The following ODAD2 variants were observed in gnomAD, a reference collection of about 807,000 sequenced individuals.
ODAD2 encodes outer dynein arm-docking complex subunit 2.
Under a neutral mutation model 106.8 loss-of-function variants are expected in ODAD2, and 89 were observed. That is an observed-to-expected ratio of 0.83 (90% CI 0.70 to 0.99). The LOEUF is 0.99. Among genes scored for constraint, ODAD2 ranks in the 50% least tolerant of loss-of-function variants. The probability of loss-of-function intolerance (pLI) is 0.00; values close to 1 mark genes in which losing one functional copy is unlikely to be tolerated. For missense variants in ODAD2, 1,168 were observed against 1,238.5 expected (o/e 0.94, Z 0.85); for synonymous variants, 404 against 436.2 (o/e 0.93, Z 0.92).
intron 16 of ODAD2, among the ~76,000 whole-genome samples, chr10:27,923,697 C>A (rs1844952758): frequency 6.6e-6 from 1 of 151,980 alleles, no homozygotes; most frequent in East Asian, 1.9e-4. Context: ...CCTGTAATCT[C>A]AGTGCTTTGA....
intron 17 of ODAD2, among the ~76,000 whole-genome samples, chr10:27,902,851 C>A (rs1314976350): frequency 6.6e-6 from 1 of 152,134 alleles, no homozygotes; most frequent in Non-Finnish European, 1.5e-5. Flanking sequence ...GGACTCACAG[C>A]AGAATTCTAC....
At chr10:27,825,692 G>C (rs1362147438) in intron 19 of ODAD2, among the ~76,000 whole-genome samples, 2 of 152,190 alleles carry the variant, frequency 1.3e-5, no homozygotes, top group Admixed American at 6.5e-5. Flanking sequence ...AGGGACAACA[G>C]GTACAGGAAC....
chr10:27,944,454 AG>A, intron 11 of ODAD2, 23 bp from the exon 12 acceptor site: 1 of 1,585,378 alleles, frequency 6.3e-7, no homozygotes, highest in South Asian at 1.1e-5. Flanking sequence ...AAAAAAGATG[AG>A]TGGCGAATAT....
chr10:27,871,896 G>A (rs1422604624), intron 17 of ODAD2, among the ~76,000 whole-genome samples: 1 of 152,132 alleles, frequency 6.6e-6, no homozygotes, highest in Non-Finnish European at 1.5e-5. Flanking sequence ...TGTGAAGAAA[G>A]TCATTGGTAG....
chr10:27,983,278 C>T (rs1445383947), intron 6 of ODAD2, among the ~76,000 whole-genome samples: 4 of 152,148 alleles, frequency 2.6e-5, no homozygotes, highest in Non-Finnish European at 5.9e-5. Flanking sequence ...ATCCTCTTCC[C>T]GAGGTATGAG....
intron 19 of ODAD2, among the ~76,000 whole-genome samples, chr10:27,840,275 T>A (rs1483388881): frequency 6.6e-6 from 1 of 152,190 alleles, no homozygotes; most frequent in Non-Finnish European, 1.5e-5. Flanking sequence ...AAAGCATATA[T>A]TTGACTCTAA....
At chr10:27,959,630 C>T (rs1847981747) in intron 10 of ODAD2, among the ~76,000 whole-genome samples, 1 of 152,082 alleles carries the variant, frequency 6.6e-6, no homozygotes, top group African/African-American at 2.4e-5. Context: ...GCTAGTGTTT[C>T]CAAATTCCCG....
At chr10:27,882,229 G>GA (rs1323672625) in intron 17 of ODAD2, among the ~76,000 whole-genome samples, 2 of 149,258 alleles carry the variant, frequency 1.3e-5, no homozygotes, top group African/African-American at 4.9e-5. Context: ...AAGAAAGAAA[G>GA]AAAGAAATAT....
intron 19 of ODAD2, among the ~76,000 whole-genome samples, chr10:27,846,982 T>A (rs1187350807): frequency 6.6e-6 from 1 of 152,174 alleles, no homozygotes; most frequent in East Asian, 1.9e-4. Flanking sequence ...ACAGCCAAAT[T>A]CTACCAGAAG....
chr10:27,902,152 T>C (rs1230500265), intron 17 of ODAD2, among the ~76,000 whole-genome samples: 1 of 152,088 alleles, frequency 6.6e-6, no homozygotes, highest in African/African-American at 2.4e-5. Flanking sequence ...ATTAAGAAAC[T>C]CTCTCAAAAC....
At position 27,891,111 on chromosome 10, in the gene ODAD2, A is replaced by C. The variant is rs147656241; in HGVS notation, c.2610+16552T>G. On this transcript the variant is annotated intron_variant, in intron 17 of 19. Transcript: ENST00000305242. Reference sequence around the variant, plus strand: ...TCATTGGCTCCCTGATTGGGCATGGACCGTTGGGCAGCTGAAGTTAAACAG... The same window carrying C: ...TCATTGGCTCCCTGATTGGGCATGGCCCGTTGGGCAGCTGAAGTTAAACAG... Among the ~76,000 whole-genome samples the C allele has an allele frequency of 3.9e-3, 588 of 152,230 alleles. 5 individuals carry two copies. The highest frequency in any genetic ancestry group is 0.013 in the African/African-American group (560 of 41,544).
At chr10:27,889,819 T>C (rs541023730) in intron 17 of ODAD2, among the ~76,000 whole-genome samples, 2 of 152,272 alleles carry the variant, frequency 1.3e-5, no homozygotes, top group East Asian at 3.9e-4. Context: ...GGTGATCTCA[T>C]GTTGATAATA....
chr10:27,941,937 C>T (rs1026564699), intron 12 of ODAD2, among the ~76,000 whole-genome samples: 1 of 152,132 alleles, frequency 6.6e-6, no homozygotes, highest in African/African-American at 2.4e-5. Context: ...GGAGAGAGAT[C>T]CAGTGGGACT....
chr10:27,856,542 T>G (rs1412058343), intron 19 of ODAD2, among the ~76,000 whole-genome samples: 1 of 152,140 alleles, frequency 6.6e-6, no homozygotes, highest in Non-Finnish European at 1.5e-5. Context: ...AAACATCTCA[T>G]CCACCCTCAT....
At chr10:27,877,567 C>A (rs190713267) in intron 17 of ODAD2, among the ~76,000 whole-genome samples, 3 of 152,108 alleles carry the variant, frequency 2.0e-5, no homozygotes, top group African/African-American at 4.8e-5. Flanking sequence ...AAACATATGA[C>A]GTCTTGCCTC....
intron 17 of ODAD2, among the ~76,000 whole-genome samples, chr10:27,894,744 ATT>A (rs1424015932): frequency 6.7e-6 from 1 of 150,294 alleles, no homozygotes; most frequent in Non-Finnish European, 1.5e-5. Context: ...AAAAAAAAAA[ATT>A]GTTGTAGAGG....
At position 27,835,315 on chromosome 10, in the gene ODAD2, G is replaced by A. The variant is rs747631889; in HGVS notation, c.3022-22690C>T. Reference sequence around the variant, plus strand: ...CTGAGTTGGTTCAATGTACAGGAACGGGACTTTAATTCAGGGAGGTGAGAT... The same window carrying A: ...CTGAGTTGGTTCAATGTACAGGAACAGGACTTTAATTCAGGGAGGTGAGAT... On this transcript the variant is annotated intron_variant, in intron 19 of 19. Transcript: ENST00000305242. Among the ~76,000 whole-genome samples, 18 of 152,312 alleles carry A rather than the reference G, an allele frequency of 1.2e-4. No individual in the cohort carries two copies. The East Asian group carries it at 2.1e-3, about 18-fold the overall frequency.
At chr10:27,990,453 G>C (rs1240617262) in intron 2 of ODAD2, among the ~76,000 whole-genome samples, 1 of 152,234 alleles carries the variant, frequency 6.6e-6, no homozygotes, top group Non-Finnish European at 1.5e-5. Flanking sequence ...TGGGATTACT[G>C]GCATGGGCCA....
intron 9 of ODAD2, among the ~76,000 whole-genome samples, chr10:27,963,327 C>A (rs1588620914): frequency 1.3e-5 from 2 of 152,062 alleles, no homozygotes. Flanking sequence ...ACTTTATATT[C>A]ATTATTTCTA....
Sources: allele counts gnomAD v4.1 joint callset (sites outside exome capture counted in the v4.1 genomes callset), GRCh38; gene constraint gnomAD v4.1.1; transcripts MANE v1.5; gene names NCBI Gene and HGNC (gene_info 2026-07-23, HGNC 2026-07-21).